PATZ1: variants seen among roughly 807,000 people sequenced by gnomAD.
The protein encoded by PATZ1 is POZ-, AT hook-, and zinc finger-containing protein 1.
PATZ1 carries 9 observed loss-of-function variants against 46.2 expected under a neutral mutation model. That is an observed-to-expected ratio of 0.19 (90% CI 0.12 to 0.34). The LOEUF (loss-of-function observed/expected upper bound fraction) is 0.34, where lower values mean the gene tolerates loss of function less well. Ranked by LOEUF, PATZ1 falls within the 10% of genes least tolerant of loss-of-function variation. The pLI, the probability that PATZ1 is intolerant of heterozygous loss-of-function variation, is 1.00. For missense variants in PATZ1, 632 were observed against 923.0 expected, an observed-to-expected ratio of 0.68 and a Z score of 4.08; for synonymous variants, 426 against 378.6, an observed-to-expected ratio of 1.13 and a Z score of -1.45.
chr22:31,341,495 A>G (rs777916585), intron 2 of PATZ1: 19 of 1,613,008 alleles, frequency 1.2e-5, no homozygotes, highest in Middle Eastern at 3.3e-4. Flanking sequence ...GGCAGAAGAG[A>G]GTGTTGCTGG....
At chr22:31,340,603 C>T (rs1601494455) in intron 2 of PATZ1, 6 of 824,176 alleles carry the variant, frequency 7.3e-6, no homozygotes, top group Non-Finnish European at 8.9e-6. Context: ...AGGGCAGGAG[C>T]GCATTTGTAC....
Position 31,344,911 on chromosome 22 carries a change from C to T in PATZ1, c.692G>A (p.Gly231Glu). The T allele has an allele frequency of 6.2e-7, 1 of 1,613,470 alleles. No individual in the cohort carries two copies. Among genetic ancestry groups the T allele is most frequent in the Non-Finnish European group, 8.5e-7 (1 of 1,180,032 alleles). Reference sequence around the variant, plus strand: ...AGCCACCATGGGCAAGCGGTCCACCCCAGGTAACACAGGCAAAGAGGCTTG... The same window carrying T: ...AGCCACCATGGGCAAGCGGTCCACCTCAGGTAACACAGGCAAAGAGGCTTG... ...AGQASLPVLP[G>E]VDRLPMVAGP... Residue 231 changes from glycine to glutamate, a missense_variant, in exon 1 of 5, where the codon GGG (glycine) becomes GAG (glutamate). Gly to Glu is a moderately conservative substitution (Grantham distance 98). Coordinates refer to ENST00000266269, the MANE Select transcript of PATZ1 (RefSeq NM_014323.3).
intron 1 of PATZ1, chr22:31,343,538 G>A: frequency 1.6e-6 from 1 of 608,606 alleles, no homozygotes. Flanking sequence ...GGCCCTCTGA[G>A]GGAGTTCTCC....
At chr22:31,329,398 C>T (rs190908457) in intron 3 of PATZ1, among the ~76,000 whole-genome samples, 35 of 152,316 alleles carry the variant, frequency 2.3e-4, no homozygotes, top group African/African-American at 7.7e-4. Context: ...GGACAACAAA[C>T]GAGATGGAGG....
At chr22:31,339,271 G>C (rs1370248651) in intron 2 of PATZ1, among the ~76,000 whole-genome samples, 1 of 152,198 alleles carries the variant, frequency 6.6e-6, no homozygotes, top group Non-Finnish European at 1.5e-5. Context: ...ATGTAAATCT[G>C]CTGCTGGGGG....
intron 2 of PATZ1, among the ~76,000 whole-genome samples, chr22:31,336,777 GCC>G (rs1569026123): frequency 2.1e-5 from 3 of 139,580 alleles, no homozygotes; most frequent in African/African-American, 8.3e-5. Flanking sequence ...CTGCACTCCA[GCC>G]TGGGCAACAA....
chr22:31,329,074 CCA>C, intron 3 of PATZ1, 150 bp from the exon 4 acceptor site: 1 of 707,852 alleles, frequency 1.4e-6, no homozygotes, highest in Non-Finnish European at 2.3e-6. Flanking sequence ...ATGGCTGCAA[CCA>C]CATGAGCCAT....
intron 2 of PATZ1, chr22:31,337,720 C>T (rs1458898075): frequency 6.6e-6 from 1 of 152,162 alleles, no homozygotes; most frequent in Non-Finnish European, 1.5e-5. Context: ...AATGGTAACC[C>T]ACTGAAGACC....
intron 2 of PATZ1, chr22:31,341,081 A>G: frequency 3.6e-6 from 4 of 1,103,282 alleles, no homozygotes; most frequent in Non-Finnish European, 3.3e-6. Context: ...AGGGAAGCAG[A>G]TAAGCTGGTG....
chr22:31,336,507 T>A (rs2049511137), intron 2 of PATZ1, among the ~76,000 whole-genome samples: 1 of 152,088 alleles, frequency 6.6e-6, no homozygotes, highest in Admixed American at 6.5e-5. Context: ...GGCCAGAGGC[T>A]TCAAAAGTGT....
At chr22:31,332,439 G>A (rs1253134972) in intron 3 of PATZ1, among the ~76,000 whole-genome samples, 1 of 152,216 alleles carries the variant, frequency 6.6e-6, no homozygotes, top group Non-Finnish European at 1.5e-5. Context: ...GAGATGCTGA[G>A]CACACATATG....
At chr22:31,344,275 G>T in intron 1 of PATZ1, 57 bp downstream of exon 1, 2 of 1,458,220 alleles carry the variant, frequency 1.4e-6, no homozygotes, top group Non-Finnish European at 1.9e-6. Flanking sequence ...CTTGGCAGGA[G>T]CCTTTTCAGG....
Position 31,344,659 on chromosome 22 carries a change from C to T in PATZ1, c.944G>A (p.Gly315Asp). The T allele has an allele frequency of 6.2e-7, 1 of 1,614,022 alleles. No homozygotes were observed. Among genetic ancestry groups the T allele is most frequent in the Non-Finnish European group, 8.5e-7 (1 of 1,180,038 alleles). The change falls in exon 1 of 5, where the codon GGT (glycine) becomes GAT (aspartate). Residue 315 changes from glycine (G) to aspartate (D), a missense_variant. Physicochemically the swap from Gly to Asp is moderately conservative, Grantham distance 94. Transcript: ENST00000266269. ...NRLRQHEAQH[G>D]VTSLQLGYID... ...GTAGCCCAGCTGGAGGCTGGTGACA[C>T]CGTGCTGGGCCTCGTGCTGCCGGAG...
rs976811475 is a variant in PATZ1, at chr22:31,335,883, T to G, written c.1336-20A>C. ...GCAGGTCTGAAGGCAGAAAAGAAAA[T>G]GGGATGATGTGAAACCCAGCACCCC... On this transcript the variant is annotated intron_variant, in intron 2 of 4. Transcript: ENST00000266269. The G allele has an allele frequency of 1.2e-6, 2 of 1,607,616 alleles. No individual in the cohort carries two copies. Among genetic ancestry groups the G allele is most frequent in the Non-Finnish European group, 1.7e-6 (2 of 1,175,652 alleles).
chr22:31,340,812 G>T, intron 2 of PATZ1: 13 of 1,059,872 alleles, frequency 1.2e-5, no homozygotes, highest in African/African-American at 1.6e-5. Context: ...ATATTGGGGT[G>T]GCCCAATATA....
Position 31,328,004 on chromosome 22 carries a change from T to C in PATZ1, c.1646-695A>G, listed in dbSNP as rs2049388966. Among the ~76,000 whole-genome samples, 1 of 152,166 alleles carries C rather than the reference T, an allele frequency of 6.6e-6. No homozygotes were observed. Among genetic ancestry groups the C allele is most frequent in the South Asian group, 2.1e-4 (1 of 4,834 alleles). On this transcript the variant is annotated intron_variant, in intron 4 of 4. Transcript: ENST00000266269. This position sits in a 1 kb window ranked among gnomAD's most constrained non-coding sequence, Gnocchi z 4.8. ...TGGGCCAAGAGACAACCCTGGCTGC[T>C]CTGCCTTGCCCGGCCCACACTGGAG... is the stretch of plus-strand genomic sequence containing the variant.
In PATZ1 at chr22:31,344,845, C is replaced by G. The variant is rs1178679282; in HGVS notation, c.758G>C (p.Ser253Thr). The change falls in exon 1 of 5, where the codon AGT becomes ACT. Residue 253 changes from serine to threonine, a missense_variant. By Grantham distance (58) the Ser-to-Thr change is moderately conservative. Around this residue, in one of 7 missense-constraint regions of PATZ1, gnomAD observed 279 missense variants for 284.3 expected, o/e 0.98. Coordinates refer to ENST00000266269, the MANE Select transcript of PATZ1 (RefSeq NM_014323.3). Reference sequence around the variant, plus strand: ...CAGGGGAGGGGCACTGGATGCCACACTGGGGAATGGGGAAGTCAGCAGTTG... The same window carrying G: ...CAGGGGAGGGGCACTGGATGCCACAGTGGGGAATGGGGAAGTCAGCAGTTG... ...SPQLLTSPFP[S>T]VASSAPPLTG... 6.2e-7 allele frequency: 1 copy of G among 1,612,664 alleles called. No individual in the cohort carries two copies.
chr22:31,331,812 G>A (rs2049447209), intron 3 of PATZ1, among the ~76,000 whole-genome samples: 1 of 152,146 alleles, frequency 6.6e-6, no homozygotes, highest in Non-Finnish European at 1.5e-5. Context: ...AGAGAACACA[G>A]CAGATGCTCA....
Position 31,328,966 on chromosome 22 carries a change from A to T in PATZ1, c.1508-42T>A. On this transcript the variant is annotated intron_variant, in intron 3 of 4. Coordinates refer to ENST00000266269, the MANE Select transcript of PATZ1 (RefSeq NM_014323.3). This position sits in a 1 kb window ranked among gnomAD's most constrained non-coding sequence, Gnocchi z 4.8. ...GAGATGAGATCCCGCGGCCAGCAAGAGATACCTCTCTCCTTCCCCCAACTC... is the reference window on the plus strand; with the variant it reads ...GAGATGAGATCCCGCGGCCAGCAAGTGATACCTCTCTCCTTCCCCCAACTC... The T allele has an allele frequency of 6.5e-7, 1 of 1,527,320 alleles. No homozygotes were observed. Among genetic ancestry groups the T allele is most frequent in the Non-Finnish European group, 8.7e-7 (1 of 1,145,514 alleles). 94.6% of individuals were successfully genotyped at this position (1,527,320 alleles called of 1,614,324 possible).
Sources: gnomAD v4.1 joint callset for allele counts (sites outside exome capture counted in the v4.1 genomes callset) on GRCh38, gnomAD v4.1.1 for gene constraint, gnomAD v4.1.1 regional missense constraint, Gnocchi (gnomAD v3.1) non-coding constraint, MANE v1.5 for transcripts, NCBI Gene and HGNC (gene_info 2026-07-23, HGNC 2026-07-21) for gene names.